Variants in DNAJC10 observed in about 807,000 individuals in gnomAD.
DNAJC10 encodes the protein endoplasmic reticulum disulfide reductase DNAJC10.
DNAJC10 carries 101 observed loss-of-function variants against 115.0 expected under a neutral mutation model. The observed-to-expected ratio is 0.88, with a 90% CI of 0.75 to 1.04. DNAJC10 has a LOEUF of 1.04. Ranked by LOEUF, DNAJC10 falls within the 50% of genes least tolerant of loss-of-function variation. DNAJC10 has a pLI of 0.00. For synonymous variants in DNAJC10, 307 were observed against 301.5 expected (o/e 1.02, Z -0.19); for missense variants, 981 against 928.8 (o/e 1.06, Z -0.73).
At chr2:182,729,639 G>T (rs1252939796) in intron 7 of DNAJC10, among the ~76,000 whole-genome samples, 3 of 146,748 alleles carry the variant, frequency 2.0e-5, no homozygotes, top group African/African-American at 7.6e-5. Flanking sequence ...GAACCTGAAC[G>T]ATTATAAATG....
chr2:182,763,167 A>G (rs956899441), intron 22 of DNAJC10, among the ~76,000 whole-genome samples: 5 of 152,046 alleles, frequency 3.3e-5, no homozygotes, highest in Admixed American at 1.3e-4. Flanking sequence ...TCTATAATAC[A>G]CACTGCTGCT....
At position 182,743,683 on chromosome 2, in the gene DNAJC10, A is replaced by G. The variant is rs1479101740; in HGVS notation, c.1277A>G (p.Gln426Arg). The change falls in exon 14 of 24, where the codon CAA (glutamine) becomes CGA (arginine). Residue 426 changes from glutamine (Q) to arginine (R), a missense_variant. Gln to Arg is a conservative substitution (Grantham distance 43). Transcript: ENST00000264065. ...FQPSLAVFKG[Q>R]GTKEYEIHHG... is the part of the protein sequence containing the mutation. The stretch of plus-strand genomic sequence containing the variant: ...CCGTCTCTAGCAGTATTTAAAGGAC[A>G]AGGAACCAAAGAATATGAAATTCAT... 6.2e-7 allele frequency: 1 copy of G among 1,609,502 alleles called. No homozygotes were observed. Among genetic ancestry groups the G allele is most frequent in the African/African-American group, 1.3e-5 (1 of 74,754 alleles).
At chr2:182,743,744 T>G (rs1574935522) in intron 14 of DNAJC10, 32 bp downstream of exon 14, 2 of 1,407,566 alleles carry the variant, frequency 1.4e-6, no homozygotes, top group East Asian at 2.3e-5. Context: ...AAAAAAAAAC[T>G]TAGCTTCATT....
rs778533493 is a variant in DNAJC10 at position 182,754,989 on chromosome 2, C to T, written c.1552-14C>T. ...ATCTATAAAATCTTTAATTCATATT[C>T]TCCTTCCTATCAGTATAACATTCAG... On this transcript the variant is annotated splice_polypyrimidine_tract_variant and intron_variant, in intron 16 of 23. Coordinates refer to ENST00000264065, the MANE Select transcript of DNAJC10 (RefSeq NM_018981.4). 1 of 1,515,948 alleles carries T rather than the reference C, an allele frequency of 6.6e-7. No homozygotes were observed. Among genetic ancestry groups the T allele is most frequent in the Non-Finnish European group, 9.1e-7 (1 of 1,094,156 alleles). 93.9% of individuals were successfully genotyped at this position (1,515,948 alleles called of 1,614,324 possible). A position where few individuals can be genotyped will look rare whatever the true frequency, so the allele number is the denominator to read the frequency against.
At chr2:182,772,347 G>C (rs1404493917) in intron 22 of DNAJC10, among the ~76,000 whole-genome samples, 2 of 152,226 alleles carry the variant, frequency 1.3e-5, no homozygotes, top group Non-Finnish European at 2.9e-5. Flanking sequence ...GCTTTTTGCA[G>C]AGCTGAGTGC....
intron 3 of DNAJC10, among the ~76,000 whole-genome samples, chr2:182,718,803 A>T (rs1183896219): frequency 6.6e-6 from 1 of 152,210 alleles, no homozygotes; most frequent in African/African-American, 2.4e-5. Context: ...AATGCCAGTC[A>T]TAAATATTTA....
At chr2:182,731,269 T>A (rs751840874) in intron 9 of DNAJC10, among the ~76,000 whole-genome samples, 162 bp downstream of exon 9, 1 of 152,126 alleles carries the variant, frequency 6.6e-6, no homozygotes, top group Non-Finnish European at 1.5e-5. Context: ...TTTTTCATTA[T>A]TTTACACATG....
chr2:182,755,196 C>T (rs1004267000), intron 17 of DNAJC10, 92 bp downstream of exon 17: 7 of 756,344 alleles, frequency 9.3e-6, no homozygotes, highest in African/African-American at 3.5e-5. Flanking sequence ...AGGATTTACT[C>T]TTTTCATGCC....
At chr2:182,721,982 G>T in intron 4 of DNAJC10, 43 bp from the exon 5 acceptor site, 1 of 1,135,586 alleles carries the variant, frequency 8.8e-7, no homozygotes, top group African/African-American at 1.6e-5. Context: ...AATTTATATG[G>T]TGAAGTTTTG....
Position 182,791,547 on chromosome 2 carries a change from T to G in DNAJC10, c.*14415T>G, listed in dbSNP as rs868644465. ...TGATTATATAGTTGTTAGCAAAATA[T>G]TGGTCAAAACTTTTTCAGTTTAATG... is the stretch of plus-strand genomic sequence containing the variant. On this transcript the variant is annotated 3_prime_UTR_variant, in exon 24 of 24. Coordinates refer to ENST00000264065, the MANE Select transcript of DNAJC10 (RefSeq NM_018981.4). 22 of 152,296 alleles carry G rather than the reference T, an allele frequency of 1.4e-4. No homozygotes were observed. The highest frequency in any genetic ancestry group is 3.4e-3 in the Middle Eastern group (1 of 294). The allele number at this position is 152,296 out of a possible 1,614,324, so 9.4% of individuals were successfully genotyped here. A position where few individuals can be genotyped will look rare whatever the true frequency, so the allele number is the denominator to read the frequency against.
Position 182,790,493 on chromosome 2 carries a change from TCAATAGTAAGGGC to T in DNAJC10, c.*13364_*13376del, listed in dbSNP as rs1218892848. The T allele has an allele frequency of 3.3e-5, 5 of 151,982 alleles. No individual in the cohort carries two copies. Among genetic ancestry groups the T allele is most frequent in the Non-Finnish European group, 5.9e-5 (4 of 67,996 alleles). The allele number at this position is 151,982 out of a possible 1,614,324, so 9.4% of individuals were successfully genotyped here. A position where few individuals can be genotyped will look rare whatever the true frequency, so the allele number is the denominator to read the frequency against. ...AAGCACCTTTTCCCTTTTCTAAAAT[TCAATAGTAAGGGC>T]CAGGCACAGTGGCTCACACCTGAAA... On this transcript the variant is annotated 3_prime_UTR_variant, in exon 24 of 24. Transcript: ENST00000264065.
intron 11 of DNAJC10, chr2:182,739,561 A>G: frequency 8.2e-7 from 1 of 1,224,204 alleles, no homozygotes; most frequent in Non-Finnish European, 1.0e-6. Flanking sequence ...CATTGAGAGA[A>G]TCAGACCAGC....
chr2:182,763,392 T>G (rs575221944), intron 22 of DNAJC10, among the ~76,000 whole-genome samples: 177 of 152,216 alleles, frequency 1.2e-3, no homozygotes, highest in African/African-American at 3.8e-3. Context: ...AAGAATGAGT[T>G]CTCAGACAAT....
rs924914946 is a variant in DNAJC10, at chr2:182,791,838, T to C, written c.*14706T>C. On this transcript the variant is annotated 3_prime_UTR_variant, in exon 24 of 24. Transcript: ENST00000264065. ...CGTTTAATTAATTGCAATATGGAAATAGATACTAAAAAATCTAAATTGCAT... is the reference window on the plus strand; with the variant it reads ...CGTTTAATTAATTGCAATATGGAAACAGATACTAAAAAATCTAAATTGCAT... The C allele has an allele frequency of 6.6e-5, 10 of 152,298 alleles. No homozygotes were observed. Among genetic ancestry groups the C allele is most frequent in the African/African-American group, 2.4e-4 (10 of 41,590 alleles). 9.4% of individuals were successfully genotyped at this position (152,298 alleles called of 1,614,324 possible).
chr2:182,732,673 C>T (rs1202217272), intron 10 of DNAJC10, 131 bp downstream of exon 10: 4 of 846,280 alleles, frequency 4.7e-6, no homozygotes, highest in Non-Finnish European at 5.7e-6. Context: ...TTTCTGATGA[C>T]TGTATTCATA....
At position 182,732,547 on chromosome 2, in the gene DNAJC10, G is replaced by A; in HGVS notation, c.849+5G>A. 6.2e-7 allele frequency: 1 copy of A among 1,612,604 alleles called. No individual in the cohort carries two copies. Among genetic ancestry groups the A allele is most frequent in the Non-Finnish European group, 8.5e-7 (1 of 1,179,058 alleles). On this transcript the variant is annotated splice_donor_5th_base_variant and intron_variant, in intron 10 of 23. Transcript: ENST00000264065. ...CTCAGGCTTAGTGGCATGTTGGTAAGCATCAATCATTTTGTAAAACTATAT... is the reference window on the plus strand; with the variant it reads ...CTCAGGCTTAGTGGCATGTTGGTAAACATCAATCATTTTGTAAAACTATAT...
rs1293335591 is a variant in DNAJC10, at chr2:182,789,958, G to A, written c.*12826G>A. The A allele has an allele frequency of 6.6e-6, 1 of 152,100 alleles. No individual in the cohort carries two copies. The highest frequency in any genetic ancestry group is 1.5e-5 in the Non-Finnish European group (1 of 68,010). 9.4% of individuals were successfully genotyped at this position (152,100 alleles called of 1,614,324 possible). ...TATCAAAGTACTTTGTGGGAAGTTG[G>A]TTATTTTACATTCTCATACCATGCT... On this transcript the variant is annotated 3_prime_UTR_variant, in exon 24 of 24. Transcript: ENST00000264065.
chr2:182,755,165 G>A, intron 17 of DNAJC10, 61 bp downstream of exon 17: 1 of 989,272 alleles, frequency 1.0e-6, no homozygotes, highest in Non-Finnish European at 1.6e-6. Flanking sequence ...AACCCTGTAT[G>A]AATGTTTCAT....
chr2:182,757,030 A>G (rs1196620426), intron 18 of DNAJC10, among the ~76,000 whole-genome samples: 1 of 152,094 alleles, frequency 6.6e-6, no homozygotes, highest in Non-Finnish European at 1.5e-5. Flanking sequence ...TTCCTGCTTT[A>G]TTTTTAGAGT....
Sources: gnomAD v4.1 joint callset for allele counts (sites outside exome capture counted in the v4.1 genomes callset) on GRCh38, gnomAD v4.1.1 for gene constraint, MANE v1.5 for transcripts, NCBI Gene and HGNC (gene_info 2026-07-23, HGNC 2026-07-21) for gene names.